ANKDD1A: variants seen among roughly 807,000 people sequenced by gnomAD.
ANKDD1A encodes ankyrin repeat and death domain containing 1A.
In ANKDD1A, 59 loss-of-function variants were observed where a neutral mutation model predicts 63.5. The observed-to-expected ratio is 0.93, with a 90% confidence interval of 0.75 to 1.15. The LOEUF (loss-of-function observed/expected upper bound fraction) is 1.15, where lower values mean the gene tolerates loss of function less well. Among genes scored for constraint, ANKDD1A ranks in the 50% most tolerant of loss-of-function variants. The pLI, the probability that ANKDD1A is intolerant of heterozygous loss-of-function variation, is 0.00. For synonymous variants in ANKDD1A, 266 were observed against 263.9 expected, an observed-to-expected ratio of 1.01 and a Z score of -0.08; for missense variants, 632 against 656.4, an observed-to-expected ratio of 0.96 and a Z score of 0.41.
At chr15:64,920,591 G>A (rs1243886485) in intron 3 of ANKDD1A, among the ~76,000 whole-genome samples, 1 of 152,114 alleles carries the variant, frequency 6.6e-6, no homozygotes, top group Non-Finnish European at 1.5e-5. Flanking sequence ...TCACTCCATT[G>A]CCCAGGCTGG....
In ANKDD1A at chr15:64,957,083, A is replaced by G. The variant is rs2085424292; in HGVS notation, c.1484-20A>G. ...ATTGTTTTGTTTTGTTTTTTGAGAC[A>G]GTCTTGCTCTCTCACCCAGGCTGGA... On this transcript the variant is annotated intron_variant, in intron 14 of 14. Coordinates refer to ENST00000319580, the MANE Select transcript of ANKDD1A (RefSeq NM_182703.6). The G allele has an allele frequency of 2.2e-6, 1 of 449,512 alleles. No homozygotes were observed. Among genetic ancestry groups the G allele is most frequent in the Non-Finnish European group, 4.4e-6 (1 of 225,102 alleles). 27.8% of individuals were successfully genotyped at this position (449,512 alleles called of 1,614,324 possible).
At chr15:64,941,288 C>T (rs371123104) in intron 9 of ANKDD1A, among the ~76,000 whole-genome samples, 27 of 152,194 alleles carry the variant, frequency 1.8e-4, no homozygotes, top group East Asian at 1.4e-3. Context: ...TGCGGGGGAG[C>T]GGTGTCCTAG....
intron 14 of ANKDD1A, among the ~76,000 whole-genome samples, chr15:64,954,709 T>C (rs1391966936): frequency 2.7e-5 from 3 of 109,662 alleles, no homozygotes; most frequent in East Asian, 3.3e-4. Flanking sequence ...TTCTCCTTCT[T>C]CTTCTCCTTC....
intron 3 of ANKDD1A, among the ~76,000 whole-genome samples, chr15:64,919,352 C>T (rs2084992606): frequency 6.6e-6 from 1 of 152,242 alleles, no homozygotes; most frequent in Admixed American, 6.5e-5. Flanking sequence ...GTTGCTGATA[C>T]TCTACCAGGT....
intron 9 of ANKDD1A, 125 bp from the exon 10 acceptor site, chr15:64,942,342 C>A: frequency 1.6e-6 from 1 of 609,368 alleles, no homozygotes; most frequent in Non-Finnish European, 2.7e-6. Flanking sequence ...CCATGTCATC[C>A]AAGAAGCTAA....
intron 6 of ANKDD1A, among the ~76,000 whole-genome samples, chr15:64,930,540 G>C (rs2085081301): frequency 6.6e-6 from 1 of 152,242 alleles, no homozygotes; most frequent in Admixed American, 6.5e-5. Flanking sequence ...CTTGAGCCGT[G>C]AGAGGAGATG....
chr15:64,935,494 T>A, intron 9 of ANKDD1A, among the ~76,000 whole-genome samples: 2 of 151,796 alleles, frequency 1.3e-5, no homozygotes, highest in African/African-American at 4.8e-5. Context: ...GATAACATGG[T>A]GAAACCCCAT....
At chr15:64,943,773 A>C in intron 11 of ANKDD1A, 191 bp downstream of exon 11, 1 of 601,424 alleles carries the variant, frequency 1.7e-6, no homozygotes. Context: ...TCTCTCTACT[A>C]AGGTCCTTCA....
chr15:64,952,084 T>TTC (rs1491267867), intron 14 of ANKDD1A, among the ~76,000 whole-genome samples: 144,110 of 146,390 alleles, frequency 0.98, 70,960 homozygotes, highest in South Asian at 1. Context: ...TTCTTCCTTC[T>TTC]TTTCTTCCTC....
intron 9 of ANKDD1A, among the ~76,000 whole-genome samples, chr15:64,940,417 T>C (rs1354551751): frequency 8.0e-6 from 1 of 125,496 alleles, no homozygotes; most frequent in African/African-American, 2.7e-5. Flanking sequence ...GATAGATAGA[T>C]AGATAGATAG....
intron 6 of ANKDD1A, among the ~76,000 whole-genome samples, chr15:64,927,214 C>A (rs566230605): frequency 6.6e-6 from 1 of 152,332 alleles, no homozygotes; most frequent in East Asian, 1.9e-4. Flanking sequence ...CATAAAGATG[C>A]CCAAGACACC....
At chr15:64,927,104 G>A in intron 6 of ANKDD1A, 105 bp downstream of exon 6, 1 of 1,201,380 alleles carries the variant, frequency 8.3e-7, no homozygotes, top group Non-Finnish European at 1.2e-6. Context: ...GATTGCGCTG[G>A]AGGCCCGTGT....
intron 14 of ANKDD1A, among the ~76,000 whole-genome samples, chr15:64,954,772 TCTTCTC>T (rs1449226115): frequency 4.1e-5 from 6 of 145,056 alleles, no homozygotes; most frequent in African/African-American, 1.7e-4. Flanking sequence ...TCTTCTTTCT[TCTTCTC>T]CTTCTTCCTT....
rs190306982 is a variant in ANKDD1A, at chr15:64,940,853, C to T, written c.868-1614C>T. ...TCTTGGGTTCAAGCAATCCTCCTGC[C>T]TCAGCCTCCCAGGTAGCTGAAACTA... On this transcript the variant is annotated intron_variant, in intron 9 of 14. Coordinates refer to ENST00000319580, the MANE Select transcript of ANKDD1A (RefSeq NM_182703.6). Among the ~76,000 whole-genome samples, 5 of 152,318 alleles carry T rather than the reference C, an allele frequency of 3.3e-5. No homozygotes were observed. In the East Asian group the frequency reaches 9.6e-4, roughly 29 times the overall value.
At chr15:64,947,101 AAAGGCTCCCTGG>A (rs2085229621) in intron 12 of ANKDD1A, among the ~76,000 whole-genome samples, 1 of 152,194 alleles carries the variant, frequency 6.6e-6, no homozygotes, top group Admixed American at 6.5e-5. Flanking sequence ...AGGAATCTGG[AAAGGCTCCCTGG>A]AAGTAGCACA....
chr15:64,944,737 G>C lies in ANKDD1A; in HGVS notation c.1151G>C (p.Arg384Thr). 1 of 1,614,050 alleles carries C rather than the reference G, an allele frequency of 6.2e-7. No homozygotes were observed. Among genetic ancestry groups the C allele is most frequent in the African/African-American group, 1.3e-5 (1 of 75,038 alleles). Reference protein sequence around the residue: ...DMIIKADRFYRWEKDHPSDPS... With the variant: ...DMIIKADRFYTWEKDHPSDPS... The stretch of plus-strand genomic sequence containing the variant: ...ATCATAAAAGCTGATCGTTTCTACA[G>C]ATGGGAGAAGGTACGGAGGCCTCAC... Residue 384 changes from arginine (R) to threonine (T), a missense_variant, in exon 12 of 15, where the codon AGA becomes ACA. Transcript: ENST00000319580.
chr15:64,918,366 G>A (rs907018930), intron 3 of ANKDD1A, among the ~76,000 whole-genome samples: 1 of 152,220 alleles, frequency 6.6e-6, no homozygotes, highest in Non-Finnish European at 1.5e-5. Context: ...GCCTCACTAT[G>A]TGGGGGCTTG....
intron 14 of ANKDD1A, among the ~76,000 whole-genome samples, chr15:64,951,926 CTT>C (rs2085291956): frequency 8.6e-6 from 1 of 115,776 alleles, no homozygotes; most frequent in Non-Finnish European, 1.9e-5. Flanking sequence ...GTTCTTTCCT[CTT>C]CTTCCTTTCT....
chr15:64,940,951 C>A (rs1265131885), intron 9 of ANKDD1A, among the ~76,000 whole-genome samples: 3 of 152,124 alleles, frequency 2.0e-5, no homozygotes, highest in Non-Finnish European at 4.4e-5. Flanking sequence ...CTATGTTGTC[C>A]AGGCTGATCT....
Sources: gnomAD v4.1 joint callset for allele counts (sites outside exome capture counted in the v4.1 genomes callset) on GRCh38, gnomAD v4.1.1 for gene constraint, MANE v1.5 for transcripts, NCBI Gene and HGNC (gene_info 2026-07-23, HGNC 2026-07-21) for gene names.